PHF24: variants seen among roughly 807,000 people sequenced by gnomAD.
The protein encoded by PHF24 is Galpha inhibitory interacting protein.
Under a neutral mutation model 42.6 loss-of-function variants are expected in PHF24, and 25 were observed. The observed-to-expected ratio is 0.59, with a 90% CI of 0.43 to 0.82. PHF24 has a LOEUF of 0.82. Among genes scored for constraint, PHF24 ranks in the 40% least tolerant of loss-of-function variants. The pLI is 0.00. For missense variants in PHF24, 470 were observed against 538.1 expected (o/e 0.87, Z 1.25); for synonymous variants, 185 against 204.8 (o/e 0.90, Z 0.83).
chr9:34,969,713 A>G (rs192603593), intron 1 of PHF24, among the ~76,000 whole-genome samples: 4 of 152,220 alleles, frequency 2.6e-5, no homozygotes, highest in Non-Finnish European at 4.4e-5. Flanking sequence ...TTATCAATTT[A>G]TTCCTAGATT....
intron 7 of PHF24, 70 bp downstream of exon 7, chr9:34,977,711 G>T (rs1426799425): frequency 7.6e-7 from 1 of 1,320,174 alleles, no homozygotes; most frequent in Non-Finnish European, 1.1e-6. Flanking sequence ...GTAAGAGAGG[G>T]CATTACCCAC....
the PHF24 span, among the ~76,000 whole-genome samples, chr9:34,808,136 A>T: frequency 6.6e-6 from 1 of 152,202 alleles, no homozygotes; most frequent in African/African-American, 2.4e-5. Flanking sequence ...GAATACCTAG[A>T]TTCCACATAT....
chr9:34,812,886 T>G, the PHF24 span, among the ~76,000 whole-genome samples: 1 of 152,238 alleles, frequency 6.6e-6, no homozygotes, highest in African/African-American at 2.4e-5. Context: ...CCACTGATTT[T>G]TAGTGTTTCC....
At chr9:34,733,939 A>AG in the PHF24 span, among the ~76,000 whole-genome samples, 314 of 152,344 alleles carry the variant, frequency 2.1e-3, 6 homozygotes, top group East Asian at 0.05. Flanking sequence ...TTAGTTAAGA[A>AG]TTACACTGAG....
the PHF24 span, among the ~76,000 whole-genome samples, chr9:34,781,401 T>C: frequency 6.6e-6 from 1 of 152,144 alleles, no homozygotes; most frequent in Non-Finnish European, 1.5e-5. Context: ...AATAGGCAAA[T>C]TCATAGAGAC....
the PHF24 span, among the ~76,000 whole-genome samples, chr9:34,860,474 A>C: frequency 1.3e-5 from 2 of 152,176 alleles, no homozygotes; most frequent in Non-Finnish European, 2.9e-5. Flanking sequence ...ATGCTGTTTG[A>C]ATCTATGTAT....
intron 1 of PHF24, among the ~76,000 whole-genome samples, chr9:34,963,793 T>G (rs963336692): frequency 1.3e-5 from 2 of 152,184 alleles, no homozygotes; most frequent in African/African-American, 4.8e-5. Flanking sequence ...ACTGTCCAGG[T>G]GCCACCTCTT....
chr9:34,709,043 T>C, the PHF24 span: 2 of 355,274 alleles, frequency 5.6e-6, no homozygotes, highest in African/African-American at 2.1e-5. Context: ...TTCAGTTAGG[T>C]ATAAATCATA....
chr9:34,724,519 G>A, the PHF24 span: 9 of 1,551,274 alleles, frequency 5.8e-6, no homozygotes, highest in South Asian at 2.4e-5. Flanking sequence ...TTGCCCTAAT[G>A]GGAATTCCCC....
chr9:34,791,582 TA>T, the PHF24 span, among the ~76,000 whole-genome samples: 132,400 of 144,046 alleles, frequency 0.92, 61,275 homozygotes, highest in Non-Finnish European at 0.98. Flanking sequence ...AATATAGATT[TA>T]AAAAAAAAAA....
chr9:34,786,888 T>C, the PHF24 span, among the ~76,000 whole-genome samples: 1 of 152,190 alleles, frequency 6.6e-6, no homozygotes, highest in Non-Finnish European at 1.5e-5. Context: ...ATTTGGTGTT[T>C]TATCTCCTGA....
At chr9:34,860,191 C>T in the PHF24 span, among the ~76,000 whole-genome samples, 1 of 152,302 alleles carries the variant, frequency 6.6e-6, no homozygotes, top group South Asian at 2.1e-4. Flanking sequence ...GCTGGTTTCC[C>T]ATTTCTCAGT....
At chr9:34,715,534 C>T in the PHF24 span, among the ~76,000 whole-genome samples, 13 of 152,118 alleles carry the variant, frequency 8.5e-5, no homozygotes, top group African/African-American at 2.4e-4. Flanking sequence ...GCTGCACATC[C>T]GAGATGTGGG....
chr9:34,802,388 A>G, the PHF24 span, among the ~76,000 whole-genome samples: 1 of 139,330 alleles, frequency 7.2e-6, no homozygotes, highest in Admixed American at 7.1e-5. Context: ...CCAATCACCA[A>G]CCTTCCCTTA....
the PHF24 span, among the ~76,000 whole-genome samples, chr9:34,718,434 C>T: frequency 6.6e-6 from 1 of 152,238 alleles, no homozygotes; most frequent in African/African-American, 2.4e-5. Context: ...GCATCTGGTC[C>T]TTTGTGTCCC....
the PHF24 span, among the ~76,000 whole-genome samples, chr9:34,739,138 T>G: frequency 6.6e-6 from 1 of 152,172 alleles, no homozygotes; most frequent in African/African-American, 2.4e-5. Context: ...AGAGAAGGAG[T>G]AAGAAACCTA....
chr9:34,918,200 C>T, the PHF24 span: 152 of 1,463,484 alleles, frequency 1.0e-4, no homozygotes, highest in East Asian at 3.3e-3. Context: ...ACCATCACCC[C>T]TCTGCCAACT....
At chr9:34,818,088 T>C in the PHF24 span, among the ~76,000 whole-genome samples, 6 of 152,256 alleles carry the variant, frequency 3.9e-5, no homozygotes, top group African/African-American at 7.2e-5. Context: ...GCTATCTTTT[T>C]ATCTGTGAGA....
chr9:34,917,346 C>T, the PHF24 span: 47 of 826,044 alleles, frequency 5.7e-5, 1 homozygote, highest in South Asian at 6.1e-4. Flanking sequence ...GGAAGAGTTG[C>T]CTGAGGGGAA....
Sources: gnomAD v4.1 joint callset for allele counts (sites outside exome capture counted in the v4.1 genomes callset) on GRCh38, gnomAD v4.1.1 for gene constraint, MANE v1.5 for transcripts, NCBI Gene and HGNC (gene_info 2026-07-23, HGNC 2026-07-21) for gene names.